The following HS6ST2 variants were observed in gnomAD, a reference collection of about 807,000 sequenced individuals.
HS6ST2 encodes heparan-sulfate 6-O-sulfotransferase 2.
A neutral mutation model predicts 33.0 loss-of-function variants in HS6ST2; 17 were observed. That is an observed-to-expected ratio of 0.52 (90% confidence interval 0.35 to 0.77). The LOEUF is 0.77. Among genes scored for constraint, HS6ST2 ranks in the 30% least tolerant of loss-of-function variants. HS6ST2 has a pLI of 0.01. For missense variants in HS6ST2, 519 were observed against 551.7 expected (o/e 0.94, Z 0.59); for synonymous variants, 248 against 237.1 (o/e 1.05, Z -0.42).
At chrX:132,700,905 ACTAT>A (rs1569482065) in intron 3 of HS6ST2, among the ~76,000 whole-genome samples, 1 of 111,216 alleles carries the variant, frequency 9.0e-6, no homozygotes, top group Admixed American at 9.6e-5. Flanking sequence ...GCGATCCTGT[ACTAT>A]CTGTCAGCTG....
intron 2 of HS6ST2, among the ~76,000 whole-genome samples, chrX:132,868,851 TA>T (rs1404858701): frequency 9.0e-6 from 1 of 111,255 alleles, no homozygotes; most frequent in Non-Finnish European, 1.9e-5. Context: ...ATAGACACCC[TA>T]ACATCACAAT....
At chrX:132,823,267 A>AT (rs747347951) in intron 2 of HS6ST2, among the ~76,000 whole-genome samples, 4 of 111,233 alleles carry the variant, frequency 3.6e-5, no homozygotes, top group African/African-American at 1.3e-4. Flanking sequence ...GAACTTACAT[A>AT]TTTTTTTAAT....
chrX:132,810,599 A>AC (rs1279580726), intron 2 of HS6ST2, among the ~76,000 whole-genome samples: 1 of 110,553 alleles, frequency 9.0e-6, no homozygotes, highest in African/African-American at 3.3e-5. Context: ...CTCTTTGTAC[A>AC]CCCCTCCCAC....
intron 2 of HS6ST2, among the ~76,000 whole-genome samples, chrX:132,776,582 C>T (rs956907785): frequency 9.0e-6 from 1 of 111,068 alleles, no homozygotes; most frequent in African/African-American, 3.3e-5. Flanking sequence ...GCCCTTCCCC[C>T]ATCCATCCTC....
At chrX:132,630,093 A>T (rs1377040579) in intron 4 of HS6ST2, among the ~76,000 whole-genome samples, 1 of 112,121 alleles carries the variant, frequency 8.9e-6, no homozygotes, top group African/African-American at 3.2e-5. Context: ...CATCAAGTCC[A>T]TGATACAATC....
chrX:132,835,034 T>C (rs2065627747), intron 2 of HS6ST2, among the ~76,000 whole-genome samples: 1 of 111,748 alleles, frequency 8.9e-6, no homozygotes, highest in South Asian at 3.8e-4. Flanking sequence ...TTCACAGAGA[T>C]GATTCTCAGC....
intron 2 of HS6ST2, among the ~76,000 whole-genome samples, chrX:132,847,240 G>T (rs1418066040): frequency 9.0e-6 from 1 of 111,649 alleles, no homozygotes; most frequent in African/African-American, 3.3e-5. Flanking sequence ...GCAGGGTTCT[G>T]TAACCTTGAT....
At chrX:132,951,341 G>A (rs1275182665) in intron 2 of HS6ST2, among the ~76,000 whole-genome samples, 2 of 110,593 alleles carry the variant, frequency 1.8e-5, no homozygotes, top group African/African-American at 6.6e-5. Flanking sequence ...TGAACCTTTC[G>A]GGTCTGGCCA....
intron 2 of HS6ST2, among the ~76,000 whole-genome samples, chrX:132,803,477 C>A (rs995409588): frequency 9.0e-6 from 1 of 111,640 alleles, no homozygotes; most frequent in African/African-American, 3.3e-5. Flanking sequence ...GGCACAATCT[C>A]GGCTCACTGC....
intron 4 of HS6ST2, among the ~76,000 whole-genome samples, chrX:132,649,913 A>G (rs998646753): frequency 2.7e-5 from 3 of 110,778 alleles, no homozygotes; most frequent in Admixed American, 9.6e-5. Context: ...GGAAACCAAG[A>G]CTTAGAGAGG....
intron 2 of HS6ST2, among the ~76,000 whole-genome samples, chrX:132,844,066 T>C (rs2065728685): frequency 8.9e-6 from 1 of 112,075 alleles, no homozygotes; most frequent in Non-Finnish European, 1.9e-5. Context: ...ACATTCGCTT[T>C]TATAGGAAGG....
chrX:132,692,063 A>G (rs1248991787), intron 3 of HS6ST2, among the ~76,000 whole-genome samples: 2 of 112,022 alleles, frequency 1.8e-5, no homozygotes, highest in African/African-American at 6.5e-5. Context: ...TGTTTATAGA[A>G]CAATTTATGG....
chrX:132,707,297 T>C (rs773232948), intron 3 of HS6ST2, among the ~76,000 whole-genome samples: 64 of 112,301 alleles, frequency 5.7e-4, no homozygotes, highest in African/African-American at 2.0e-3. Flanking sequence ...ACACACCCAA[T>C]CTATGATATT....
At chrX:132,817,986 ACTT>A (rs1322861134) in intron 2 of HS6ST2, among the ~76,000 whole-genome samples, 3 of 111,649 alleles carry the variant, frequency 2.7e-5, no homozygotes, top group Non-Finnish European at 5.6e-5. Context: ...TGTGTGATGG[ACTT>A]CTTCAAGAAG....
chrX:132,709,826 C>CACACACACACACAT (rs2064216471), intron 2 of HS6ST2, among the ~76,000 whole-genome samples: 1 of 109,238 alleles, frequency 9.2e-6, no homozygotes, highest in Admixed American at 9.9e-5. Context: ...CACACACACA[C>CACACACACACACAT]ACACACACAC....
At chrX:132,850,766 C>G (rs1037569978) in intron 2 of HS6ST2, among the ~76,000 whole-genome samples, 11 of 109,018 alleles carry the variant, frequency 1.0e-4, no homozygotes, top group Non-Finnish European at 3.8e-5. Flanking sequence ...ACATCATACA[C>G]ACTGATGTAT....
chrX:132,956,355 G>T (rs199595444), intron 2 of HS6ST2, among the ~76,000 whole-genome samples: 10 of 109,702 alleles, frequency 9.1e-5, no homozygotes, highest in African/African-American at 3.3e-4. Flanking sequence ...GGGGAAAGCG[G>T]GGGGAGGGAA....
At chrX:132,917,105 C>G (rs1189617866) in intron 2 of HS6ST2, among the ~76,000 whole-genome samples, 1 of 111,757 alleles carries the variant, frequency 8.9e-6, no homozygotes, top group Non-Finnish European at 1.9e-5. Context: ...ATCTTAGCAT[C>G]AAGAACATAT....
At position 132,847,893 on chromosome X, in the gene HS6ST2, A is replaced by G. The variant is rs189599524; in HGVS notation, c.947+108915T>C. On this transcript the variant is annotated intron_variant, in intron 2 of 4. Coordinates refer to ENST00000370833, the MANE Select transcript of HS6ST2 (RefSeq NM_001394073.1). ...TGTTTTGTATGGTTCCAAGAAGCCC[A>G]GCTAGCATCAGTGCATGACAGCAAT... 5.3e-5 allele frequency among the ~76,000 whole-genome samples: 6 copies of G among 112,605 alleles called. No individual in the cohort carries two copies. In the East Asian group the frequency reaches 1.4e-3, roughly 26 times the overall value.
Sources: gnomAD v4.1 joint callset for allele counts (sites outside exome capture counted in the v4.1 genomes callset) on GRCh38, gnomAD v4.1.1 for gene constraint, MANE v1.5 for transcripts, NCBI Gene and HGNC (gene_info 2026-07-23, HGNC 2026-07-21) for gene names.